The following PARD3B variants were observed in gnomAD, a reference collection of about 807,000 sequenced individuals.
PARD3B encodes the protein par-3 family cell polarity regulator beta, also known as partitioning defective 3 homolog B.
In PARD3B, 103 loss-of-function variants were observed where a neutral mutation model predicts 130.2. The ratio of observed to expected loss-of-function variants is 0.79; its 90% confidence interval spans 0.67 to 0.93. PARD3B has a LOEUF of 0.93. Among genes scored for constraint, PARD3B ranks in the 40% least tolerant of loss-of-function variants. The pLI is 0.00. For synonymous variants in PARD3B, 583 were observed against 553.2 expected, an observed-to-expected ratio of 1.05 and a Z score of -0.76; for missense variants, 1,609 against 1,499.2, an observed-to-expected ratio of 1.07 and a Z score of -1.21.
In PARD3B at chr2:204,958,771, A is replaced by G. The variant is rs541843060; in HGVS notation, c.223-6381A>G. On this transcript the variant is annotated intron_variant, in intron 2 of 22. Transcript: ENST00000406610. Reference sequence around the variant, plus strand: ...TTCTACCCTATTCCTTCTCACCCCCAAAAACACTCACATGTTCACACACAC... The same window carrying G: ...TTCTACCCTATTCCTTCTCACCCCCGAAAACACTCACATGTTCACACACAC... 3.3e-5 allele frequency among the ~76,000 whole-genome samples: 5 copies of G among 152,264 alleles called. No homozygotes were observed. In the South Asian group the frequency reaches 1.0e-3, roughly 32 times the overall value.
chr2:204,814,397 A>C (rs1368327343), intron 2 of PARD3B, among the ~76,000 whole-genome samples: 1 of 151,766 alleles, frequency 6.6e-6, no homozygotes, highest in Non-Finnish European at 1.5e-5. Flanking sequence ...TATAACACAA[A>C]AACTCTTATA....
chr2:204,976,921 T>C (rs1692224518), intron 3 of PARD3B, among the ~76,000 whole-genome samples: 1 of 152,014 alleles, frequency 6.6e-6, no homozygotes, highest in Admixed American at 6.5e-5. Flanking sequence ...ATGCAACTGA[T>C]ATTTTGATCT....
At chr2:204,970,413 C>A (rs1465918448) in intron 3 of PARD3B, among the ~76,000 whole-genome samples, 1 of 152,168 alleles carries the variant, frequency 6.6e-6, no homozygotes, top group Non-Finnish European at 1.5e-5. Context: ...AAAACCAAGG[C>A]TATCCAGGTC....
intron 3 of PARD3B, among the ~76,000 whole-genome samples, chr2:204,996,791 T>G (rs1007596744): frequency 4.7e-5 from 7 of 147,872 alleles, no homozygotes; most frequent in Non-Finnish European, 7.5e-5. Flanking sequence ...TGGTGCGCCG[T>G]TTTTTAAGCC....
chr2:204,734,281 G>A (rs1311145849), intron 2 of PARD3B, among the ~76,000 whole-genome samples: 3 of 152,058 alleles, frequency 2.0e-5, no homozygotes. Flanking sequence ...GCTGGCAAAG[G>A]GCAAAGCAGC....
chr2:204,782,691 T>A (rs2041881619), intron 2 of PARD3B, among the ~76,000 whole-genome samples: 1 of 151,912 alleles, frequency 6.6e-6, no homozygotes, highest in Admixed American at 6.6e-5. Flanking sequence ...TGAAATTCAG[T>A]GCAAGTAAAG....
intron 21 of PARD3B, among the ~76,000 whole-genome samples, chr2:205,547,362 A>AT (rs1320916353): frequency 2.6e-5 from 4 of 152,126 alleles, no homozygotes; most frequent in Non-Finnish European, 5.9e-5. Context: ...TCCAAACAAT[A>AT]TTTTTGCAGA....
intron 16 of PARD3B, among the ~76,000 whole-genome samples, chr2:205,279,293 A>T (rs2041097553): frequency 6.6e-6 from 1 of 152,062 alleles, no homozygotes; most frequent in Admixed American, 6.6e-5. Flanking sequence ...ACATTGGGAC[A>T]CTATAGCCTC....
rs1403441762 is a variant in PARD3B at position 204,677,395 on chromosome 2, T to A, written c.121-8786T>A. Among the ~76,000 whole-genome samples, 1 of 152,220 alleles carries A rather than the reference T, an allele frequency of 6.6e-6. No homozygotes were observed. Among genetic ancestry groups the A allele is most frequent in the Non-Finnish European group, 1.5e-5 (1 of 68,038 alleles). ...TAATTTTTACCTTACCTGATAACTTTAAGAGCTCAGTGCCCTGTAAACTGT... is the reference window on the plus strand; with the variant it reads ...TAATTTTTACCTTACCTGATAACTTAAAGAGCTCAGTGCCCTGTAAACTGT... On this transcript the variant is annotated intron_variant, in intron 1 of 22. Transcript: ENST00000406610. The surrounding 1 kb of genome is among the most constrained non-coding windows in gnomAD (Gnocchi z 4.1).
intron 3 of PARD3B, among the ~76,000 whole-genome samples, chr2:205,012,501 GATTTCTGGCT>G (rs1171602815): frequency 6.6e-6 from 1 of 152,112 alleles, no homozygotes; most frequent in African/African-American, 2.4e-5. Context: ...TGACTCTTTT[GATTTCTGGCT>G]GCTTTAGAAT....
At chr2:205,406,577 A>G (rs73065023) in intron 19 of PARD3B, among the ~76,000 whole-genome samples, 2,188 of 151,360 alleles carry the variant, frequency 0.014, 45 homozygotes, top group African/African-American at 0.049. Context: ...TAAATAAAAT[A>G]TTATAAAAAT....
At position 204,764,811 on chromosome 2, in the gene PARD3B, C is replaced by T. The variant is rs140898423; in HGVS notation, c.222+78529C>T. On this transcript the variant is annotated intron_variant, in intron 2 of 22. Transcript: ENST00000406610. The stretch of plus-strand genomic sequence containing the variant: ...CAGGCATTCTGCAGCTGCCAGTTAC[C>T]TCCATATTCTCTTATATAAACCTCA... 6.1e-3 allele frequency among the ~76,000 whole-genome samples: 926 copies of T among 151,788 alleles called. 12 individuals are homozygous for T. The highest frequency in any genetic ancestry group is 0.022 in the African/African-American group (894 of 41,380).
At chr2:205,566,784 A>G (rs778247261) in intron 22 of PARD3B, among the ~76,000 whole-genome samples, 1 of 152,236 alleles carries the variant, frequency 6.6e-6, no homozygotes, top group Non-Finnish European at 1.5e-5. Flanking sequence ...GCATACTCAG[A>G]AAGTACAAAT....
At position 204,547,088 on chromosome 2, in the gene PARD3B, G is replaced by A. The variant is rs189637950; in HGVS notation, c.120+969G>A. On this transcript the variant is annotated intron_variant, in intron 1 of 22. Coordinates refer to ENST00000406610, the MANE Select transcript of PARD3B (RefSeq NM_001302769.2). ...CGGCCAATGGTTCTCTTAATATTTG[G>A]TCTCGTGCCATGTGACTAAAATAGT... Among the ~76,000 whole-genome samples, 628 of 152,280 alleles carry A rather than the reference G, an allele frequency of 4.1e-3. 13 individuals are homozygous for A. The highest frequency in any genetic ancestry group is 4.1e-3 in the Non-Finnish European group (281 of 68,036).
At chr2:204,787,612 A>G (rs1328765676) in intron 2 of PARD3B, among the ~76,000 whole-genome samples, 1 of 152,114 alleles carries the variant, frequency 6.6e-6, no homozygotes, top group Non-Finnish European at 1.5e-5. Flanking sequence ...AAAGAGTTCT[A>G]TTTTCACATT....
intron 19 of PARD3B, among the ~76,000 whole-genome samples, chr2:205,411,944 G>A (rs948621368): frequency 3.9e-5 from 6 of 152,112 alleles, no homozygotes; most frequent in Admixed American, 1.3e-4. Context: ...TCCACAGGGC[G>A]TGTGACTGCA....
chr2:205,194,925 A>G (rs927716243), intron 15 of PARD3B, among the ~76,000 whole-genome samples: 4 of 149,052 alleles, frequency 2.7e-5, no homozygotes, highest in Non-Finnish European at 5.9e-5. Flanking sequence ...CTTGGATTAC[A>G]GGTGTCTGCC....
chr2:205,565,284 G>T (rs987802687), intron 22 of PARD3B, among the ~76,000 whole-genome samples: 7 of 152,188 alleles, frequency 4.6e-5, no homozygotes, highest in Non-Finnish European at 1.0e-4. Flanking sequence ...GAAGGAATTT[G>T]CCACAGTGAA....
chr2:205,308,512 C>A (rs550624384), intron 18 of PARD3B, among the ~76,000 whole-genome samples: 1 of 147,596 alleles, frequency 6.8e-6, no homozygotes, highest in Non-Finnish European at 1.5e-5. Flanking sequence ...GAGGCTGAGG[C>A]AGGAGAATGG....
Sources: gnomAD v4.1 joint callset for allele counts (sites outside exome capture counted in the v4.1 genomes callset) on GRCh38, gnomAD v4.1.1 for gene constraint, Gnocchi (gnomAD v3.1) non-coding constraint, MANE v1.5 for transcripts, NCBI Gene and HGNC (gene_info 2026-07-23, HGNC 2026-07-21) for gene names.